KLHL29: variants seen among roughly 807,000 people sequenced by gnomAD.
KLHL29 encodes the protein kelch-like protein 29.
KLHL29 carries 21 observed loss-of-function variants against 80.4 expected under a neutral mutation model. That is an observed-to-expected ratio of 0.26 (90% CI 0.19 to 0.38). KLHL29 has a LOEUF of 0.38. Among genes scored for constraint, KLHL29 ranks in the 10% least tolerant of loss-of-function variants. The pLI is 1.00. For missense variants in KLHL29, 867 were observed against 1,223.9 expected (o/e 0.71, Z 4.35); for synonymous variants, 511 against 526.8 (o/e 0.97, Z 0.41).
At chr2:23,412,775 G>A (rs2103396193) in intron 1 of KLHL29, among the ~76,000 whole-genome samples, 1 of 152,276 alleles carries the variant, frequency 6.6e-6, no homozygotes, top group East Asian at 1.9e-4. Context: ...TGGTCCACGG[G>A]ATGCTATGAG....
chr2:23,667,123 G>A (rs1306923197), intron 5 of KLHL29: 1 of 152,224 alleles, frequency 6.6e-6, no homozygotes, highest in East Asian at 1.9e-4. Context: ...ACTCTGCCCG[G>A]GGTTCTCACC....
chr2:23,463,069 A>G (rs1664258038), intron 1 of KLHL29, among the ~76,000 whole-genome samples: 2 of 141,480 alleles, frequency 1.4e-5, no homozygotes, highest in Non-Finnish European at 1.6e-5. Context: ...TTTGCCTCCC[A>G]TGTTTTTTTT....
At chr2:23,475,306 C>G (rs964688246) in intron 1 of KLHL29, among the ~76,000 whole-genome samples, 1 of 142,788 alleles carries the variant, frequency 7.0e-6, no homozygotes, top group African/African-American at 2.7e-5. Context: ...ATCTGCCACT[C>G]GGAGTACTCT....
chr2:23,575,586 A>T (rs187639094), intron 3 of KLHL29, among the ~76,000 whole-genome samples: 3 of 152,328 alleles, frequency 2.0e-5, no homozygotes, highest in African/African-American at 4.8e-5. Flanking sequence ...TGGGGCCGTA[A>T]CTATCCTCAT....
chr2:23,597,001 A>G (rs1035191556), intron 3 of KLHL29, among the ~76,000 whole-genome samples: 3 of 152,070 alleles, frequency 2.0e-5, no homozygotes, highest in Non-Finnish European at 4.4e-5. Flanking sequence ...AGAGAAGCAA[A>G]ATACTTTTCA....
chr2:23,481,654 G>A (rs181577147), intron 2 of KLHL29, among the ~76,000 whole-genome samples: 8 of 152,328 alleles, frequency 5.3e-5, no homozygotes, highest in Non-Finnish European at 1.0e-4. Flanking sequence ...GGTGGCTGAC[G>A]CCTGTAATCC....
chr2:23,656,094 ACCATCTGTCCCTCTTC>A (rs1359171478), intron 5 of KLHL29, among the ~76,000 whole-genome samples: 1 of 152,114 alleles, frequency 6.6e-6, no homozygotes, highest in East Asian at 1.9e-4. Flanking sequence ...AAAGAAAGGG[ACCATCTGTCCCTCTTC>A]TGGACCCCAG....
At chr2:23,605,129 T>TTTTG (rs1668674109) in intron 3 of KLHL29, among the ~76,000 whole-genome samples, 2 of 148,446 alleles carry the variant, frequency 1.3e-5, no homozygotes, top group Non-Finnish European at 3.0e-5. Context: ...TTTTTTTTTT[T>TTTTG]GGAGACAGGG....
At chr2:23,431,451 C>T (rs1663172902) in intron 1 of KLHL29, among the ~76,000 whole-genome samples, 4 of 152,260 alleles carry the variant, frequency 2.6e-5, no homozygotes, top group Admixed American at 2.6e-4. Context: ...AGCAGCCCCA[C>T]CTCTGCCGTC....
At chr2:23,675,139 A>G (rs191882949) in intron 5 of KLHL29, among the ~76,000 whole-genome samples, 2 of 152,158 alleles carry the variant, frequency 1.3e-5, no homozygotes, top group Admixed American at 6.5e-5. Flanking sequence ...ACCCCATGAC[A>G]TGTTCTTCCT....
intron 5 of KLHL29, among the ~76,000 whole-genome samples, chr2:23,674,754 C>G (rs151029749): frequency 0.014 from 1,942 of 143,284 alleles, 22 homozygotes; most frequent in Middle Eastern, 0.031. Flanking sequence ...ACTCGAGTCT[C>G]TCTTCTGGCC....
Position 23,691,453 on chromosome 2 carries a change from G to A in KLHL29, c.1080-221G>A, listed in dbSNP as rs1186534331. ...ATCTTTTTTTGCATGGACATGCCGA[G>A]TAGTGATAAGCAGGGTTTTCTGTTC... On this transcript the variant is annotated intron_variant, in intron 6 of 13. Coordinates refer to ENST00000486442, the MANE Select transcript of KLHL29 (RefSeq NM_052920.2). 6.7e-6 allele frequency: 4 copies of A among 593,380 alleles called. No individual in the cohort carries two copies. In the Admixed American group the frequency reaches 1.2e-4, roughly 18 times the overall value. The allele number at this position is 593,380 out of a possible 1,614,324, so 36.8% of individuals were successfully genotyped here. A position where few individuals can be genotyped will look rare whatever the true frequency, so the allele number is the denominator to read the frequency against.
intron 5 of KLHL29, among the ~76,000 whole-genome samples, chr2:23,671,003 C>T (rs1306456131): frequency 2.2e-5 from 2 of 91,638 alleles, no homozygotes; most frequent in South Asian, 5.3e-4. Context: ...CCTCCCTCCC[C>T]CCCCCCACCT....
At chr2:23,487,352 C>T (rs752108703) in intron 2 of KLHL29, among the ~76,000 whole-genome samples, 10 of 152,114 alleles carry the variant, frequency 6.6e-5, no homozygotes, top group Admixed American at 1.3e-4. Flanking sequence ...CAGGAGGGGA[C>T]GTCTTCTGCA....
rs1311858545 is a variant in KLHL29 at position 23,563,411 on chromosome 2, C to T, written c.285+930C>T. 6.6e-5 allele frequency among the ~76,000 whole-genome samples: 10 copies of T among 152,248 alleles called. No individual in the cohort carries two copies. In the South Asian group the frequency reaches 1.7e-3, roughly 25 times the overall value. Reference sequence around the variant, plus strand: ...GGGGCTGTGCAGGCTGCCTTTGCCTCTGCTGGCCATTCGGAGCTGCCTCCC... The same window carrying T: ...GGGGCTGTGCAGGCTGCCTTTGCCTTTGCTGGCCATTCGGAGCTGCCTCCC... On this transcript the variant is annotated intron_variant, in intron 3 of 13. Coordinates refer to ENST00000486442, the MANE Select transcript of KLHL29 (RefSeq NM_052920.2).
At chr2:23,673,045 G>A (rs1670813086) in intron 5 of KLHL29, among the ~76,000 whole-genome samples, 2 of 152,190 alleles carry the variant, frequency 1.3e-5, no homozygotes, top group South Asian at 4.1e-4. Context: ...CAGCCTGCTA[G>A]GGGAAAAAGA....
chr2:23,422,376 T>C (rs1241227072), intron 1 of KLHL29, among the ~76,000 whole-genome samples: 1 of 152,106 alleles, frequency 6.6e-6, no homozygotes, highest in Non-Finnish European at 1.5e-5. Context: ...TGTGTGTCTG[T>C]GTGTGTCTCT....
chr2:23,533,738 CAG>C (rs1167866080), intron 2 of KLHL29, among the ~76,000 whole-genome samples: 1 of 152,202 alleles, frequency 6.6e-6, no homozygotes, highest in African/African-American at 2.4e-5. Flanking sequence ...ATGAAGAGAA[CAG>C]AATTTCCTTG....
intron 2 of KLHL29, among the ~76,000 whole-genome samples, chr2:23,554,703 C>T (rs1653787): frequency 0.06 from 9,182 of 152,264 alleles, 523 homozygotes; most frequent in African/African-American, 0.15. Context: ...ACTCTCCGGG[C>T]CCAGGGCTGA....
Sources: allele counts gnomAD v4.1 joint callset (sites outside exome capture counted in the v4.1 genomes callset), GRCh38; gene constraint gnomAD v4.1.1; transcripts MANE v1.5; gene names NCBI Gene and HGNC (gene_info 2026-07-23, HGNC 2026-07-21).